The following GRIK2 variants were observed in gnomAD, a reference collection of about 807,000 sequenced individuals.
GRIK2 encodes glutamate ionotropic receptor kainate type subunit 2, also known as glutamate receptor ionotropic, kainate 2.
Under a neutral mutation model 100.3 loss-of-function variants are expected in GRIK2, and 32 were observed. The observed-to-expected ratio is 0.32, with a 90% CI of 0.24 to 0.43. GRIK2 has a LOEUF of 0.43. GRIK2 is among the 20% of genes least tolerant of loss of function. GRIK2 has a pLI of 1.00. For missense variants in GRIK2, 843 were observed against 1,114.9 expected (o/e 0.76, Z 3.47); for synonymous variants, 417 against 389.4 (o/e 1.07, Z -0.83).
Position 101,648,772 on chromosome 6 carries a change from TGTTC to T in GRIK2, c.541+22136_541+22139del, listed in dbSNP as rs1781647908. On this transcript the variant is annotated intron_variant, in intron 4 of 16. Coordinates refer to ENST00000369134, the MANE Select transcript of GRIK2 (RefSeq NM_021956.5). ...AGAGAAGAAACTATATGTATTAGTC[TGTTC>T]TCATACTGCTAATAAAAAGATACCT... is the stretch of plus-strand genomic sequence containing the variant. Among the ~76,000 whole-genome samples, 6 of 152,128 alleles carry T rather than the reference TGTTC, an allele frequency of 3.9e-5. No homozygotes were observed. The South Asian group carries it at 1.2e-3, about 31-fold the overall frequency.
At chr6:101,737,904 G>T (rs575613697) in intron 7 of GRIK2, among the ~76,000 whole-genome samples, 29 of 151,984 alleles carry the variant, frequency 1.9e-4, no homozygotes, top group African/African-American at 6.7e-4. Context: ...TTAAAATCAG[G>T]AAACATTTTC....
chr6:101,569,337 ATAT>A (rs1444906291), intron 2 of GRIK2, among the ~76,000 whole-genome samples: 1 of 151,992 alleles, frequency 6.6e-6, no homozygotes, highest in South Asian at 2.1e-4. Context: ...TAAAATTATA[ATAT>A]TATAAATAAA....
chr6:102,065,788 T>G, intron 16 of GRIK2: 5 of 1,501,444 alleles, frequency 3.3e-6, no homozygotes, highest in Non-Finnish European at 4.5e-6. Context: ...CTGTTAAATG[T>G]TTCAACAGAG....
chr6:101,929,348 T>C (rs1166548022), intron 14 of GRIK2, among the ~76,000 whole-genome samples: 1 of 152,358 alleles, frequency 6.6e-6, no homozygotes, highest in Non-Finnish European at 1.5e-5. Flanking sequence ...CACTTTATAA[T>C]TCCTTTTGTA....
chr6:101,508,095 T>TA (rs1033020154), intron 2 of GRIK2, among the ~76,000 whole-genome samples: 28 of 84,024 alleles, frequency 3.3e-4, no homozygotes, highest in South Asian at 2.4e-3. Context: ...TTATTATTAT[T>TA]TTTTTTTTTG....
At chr6:101,571,208 T>C (rs575759831) in intron 2 of GRIK2, among the ~76,000 whole-genome samples, 1 of 152,286 alleles carries the variant, frequency 6.6e-6, no homozygotes, top group South Asian at 2.1e-4. Flanking sequence ...TCAGTATTGA[T>C]ATGTTTGTTA....
intron 15 of GRIK2, among the ~76,000 whole-genome samples, chr6:102,037,602 A>C (rs1200284942): frequency 6.8e-6 from 1 of 146,206 alleles, no homozygotes; most frequent in African/African-American, 2.5e-5. Context: ...ATTATGTACA[A>C]ATTCAAAATT....
intron 2 of GRIK2, among the ~76,000 whole-genome samples, chr6:101,536,786 A>G (rs1254621816): frequency 2.0e-5 from 3 of 151,744 alleles, no homozygotes; most frequent in East Asian, 1.9e-4. Context: ...GAGGTTGTTC[A>G]TACACATTCA....
chr6:101,927,157 G>C (rs568945368), intron 13 of GRIK2: 1 of 152,488 alleles, frequency 6.6e-6, no homozygotes, highest in African/African-American at 2.4e-5. Flanking sequence ...TTAAAATTTT[G>C]TTTGTTTGTT....
At chr6:102,044,208 T>C (rs538824524) in intron 15 of GRIK2, among the ~76,000 whole-genome samples, 41 of 152,154 alleles carry the variant, frequency 2.7e-4, no homozygotes, top group South Asian at 8.3e-4. Context: ...CAGATAAAAG[T>C]GAACCAATCT....
intron 7 of GRIK2, among the ~76,000 whole-genome samples, chr6:101,755,462 C>T (rs1042586289): frequency 1.3e-5 from 2 of 152,060 alleles, no homozygotes; most frequent in Non-Finnish European, 2.9e-5. Context: ...CCACCGTGCC[C>T]GGCCGCATAA....
intron 2 of GRIK2, among the ~76,000 whole-genome samples, chr6:101,566,035 G>A (rs964694721): frequency 6.7e-6 from 1 of 149,110 alleles, no homozygotes; most frequent in Non-Finnish European, 1.5e-5. Flanking sequence ...GTAGATAGTG[G>A]ATCATTGTAA....
chr6:101,429,523 C>G (rs188097968), intron 2 of GRIK2, among the ~76,000 whole-genome samples: 5 of 152,118 alleles, frequency 3.3e-5, no homozygotes, highest in East Asian at 1.9e-4. Flanking sequence ...CAGTTAGTAC[C>G]AAGAGCCTAA....
chr6:101,697,585 T>A (rs1181589187), intron 7 of GRIK2, among the ~76,000 whole-genome samples: 1 of 152,020 alleles, frequency 6.6e-6, no homozygotes, highest in African/African-American at 2.4e-5. Flanking sequence ...CATTTCGTTT[T>A]TAAGTTAAAA....
intron 7 of GRIK2, among the ~76,000 whole-genome samples, chr6:101,710,783 G>A (rs1046498992): frequency 1.3e-5 from 2 of 151,758 alleles, no homozygotes; most frequent in African/African-American, 4.8e-5. Flanking sequence ...AAGCACCAGG[G>A]TGGAAATATT....
At chr6:101,494,971 TTA>T (rs369006296) in intron 2 of GRIK2, among the ~76,000 whole-genome samples, 13,966 of 107,822 alleles carry the variant, frequency 0.13, 1,063 homozygotes, top group South Asian at 0.28. Context: ...ATATATGCAT[TTA>T]TATATATATA....
intron 2 of GRIK2, among the ~76,000 whole-genome samples, chr6:101,523,224 A>G (rs1774968683): frequency 6.6e-6 from 1 of 152,142 alleles, no homozygotes; most frequent in South Asian, 2.1e-4. Flanking sequence ...TAATTTTTCC[A>G]TGATATTTTT....
intron 2 of GRIK2, chr6:101,431,343 C>T (rs1336113053): frequency 1.3e-5 from 2 of 152,726 alleles, no homozygotes; most frequent in Non-Finnish European, 2.9e-5. Context: ...TTATTGGAAC[C>T]TTATGCTATC....
intron 7 of GRIK2, chr6:101,744,875 C>T (rs1028974566): frequency 1.2e-4 from 18 of 152,276 alleles, no homozygotes; most frequent in African/African-American, 4.3e-4. Context: ...GCCACTGCAC[C>T]TGGCCCACAG....
Sources: gnomAD v4.1 joint callset for allele counts (sites outside exome capture counted in the v4.1 genomes callset) on GRCh38, gnomAD v4.1.1 for gene constraint, MANE v1.5 for transcripts, NCBI Gene and HGNC (gene_info 2026-07-23, HGNC 2026-07-21) for gene names.